Variants in ADGRB3 observed in about 807,000 individuals in gnomAD.
ADGRB3 encodes the protein brain-specific angiogenesis inhibitor 3.
ADGRB3 carries 37 observed loss-of-function variants against 193.4 expected under a neutral mutation model. The ratio of observed to expected loss-of-function variants is 0.19; its 90% CI spans 0.15 to 0.25. ADGRB3 has a LOEUF of 0.25. Ranked by LOEUF, ADGRB3 falls within the 10% of genes least tolerant of loss-of-function variation. ADGRB3 has a pLI of 1.00. For missense variants in ADGRB3, 1,637 were observed against 1,852.9 expected (o/e 0.88, Z 2.14); for synonymous variants, 690 against 644.2 (o/e 1.07, Z -1.08).
intron 5 of ADGRB3, among the ~76,000 whole-genome samples, chr6:68,942,989 A>G (rs963377939): frequency 2.6e-5 from 4 of 152,190 alleles, no homozygotes; most frequent in African/African-American, 9.6e-5. Flanking sequence ...AACACAAATT[A>G]TGTTATTTAA....
In ADGRB3 at chr6:68,883,457, T is replaced by C. The variant is rs144628806; in HGVS notation, c.758-47102T>C. 4.3e-4 allele frequency among the ~76,000 whole-genome samples: 65 copies of C among 152,298 alleles called. No homozygotes were observed. In the East Asian group the frequency reaches 0.012, roughly 28 times the overall value. ...CGTTGTAGGAGCTTTGTTTATTTGC[T>C]CTTTGCAATAAATCTTGTTGCTTCT... On this transcript the variant is annotated intron_variant, in intron 3 of 31. Coordinates refer to ENST00000370598, the MANE Select transcript of ADGRB3 (RefSeq NM_001704.3).
At chr6:68,984,964 ATGTG>A (rs2150270704) in intron 10 of ADGRB3, among the ~76,000 whole-genome samples, 1 of 152,162 alleles carries the variant, frequency 6.6e-6, no homozygotes, top group Admixed American at 6.6e-5. Context: ...TTAGGAGGAA[ATGTG>A]TGTCTTTCCA....
chr6:69,291,642 G>A (rs1767684648), intron 20 of ADGRB3, among the ~76,000 whole-genome samples: 2 of 152,124 alleles, frequency 1.3e-5, no homozygotes, highest in Admixed American at 6.6e-5. Flanking sequence ...GCCCAGTTTA[G>A]GGAAACTGTC....
chr6:68,664,322 C>T (rs1768744824), intron 3 of ADGRB3, among the ~76,000 whole-genome samples: 2 of 151,690 alleles, frequency 1.3e-5, no homozygotes, highest in African/African-American at 2.4e-5. Context: ...TGCCATCCTT[C>T]AAATTCATAT....
chr6:69,200,286 GA>G (rs1239457829), intron 17 of ADGRB3, among the ~76,000 whole-genome samples: 10 of 151,330 alleles, frequency 6.6e-5, no homozygotes, highest in East Asian at 1.9e-4. Context: ...GGGATAACTT[GA>G]AAAAAAAATT....
At chr6:68,855,760 T>C (rs551932591) in intron 3 of ADGRB3, among the ~76,000 whole-genome samples, 88 of 152,288 alleles carry the variant, frequency 5.8e-4, no homozygotes, top group African/African-American at 2.1e-3. Context: ...GACTCATGCC[T>C]GTAATCCTAG....
intron 17 of ADGRB3, among the ~76,000 whole-genome samples, chr6:69,168,284 G>A (rs369430634): frequency 3.9e-5 from 6 of 152,048 alleles, no homozygotes; most frequent in East Asian, 1.9e-4. Flanking sequence ...GCCGAAAAAC[G>A]GTTTGGAGAT....
At chr6:69,052,511 T>C (rs1350380107) in intron 15 of ADGRB3, among the ~76,000 whole-genome samples, 4 of 152,230 alleles carry the variant, frequency 2.6e-5, no homozygotes, top group Non-Finnish European at 5.9e-5. Context: ...GTAGTTTTGC[T>C]GTTAGGTTTC....
intron 8 of ADGRB3, 124 bp downstream of exon 8, chr6:68,956,933 C>A: frequency 9.2e-7 from 1 of 1,085,584 alleles, no homozygotes; most frequent in Non-Finnish European, 1.3e-6. Flanking sequence ...TGATAGGTGG[C>A]AATTTACTTG....
At chr6:69,087,408 A>C (rs2150316333) in intron 17 of ADGRB3, among the ~76,000 whole-genome samples, 1 of 152,254 alleles carries the variant, frequency 6.6e-6, no homozygotes, top group African/African-American at 2.4e-5. Context: ...ATATGTTGAA[A>C]CTTAATCCCC....
At chr6:69,098,762 C>G (rs1477484527) in intron 17 of ADGRB3, among the ~76,000 whole-genome samples, 1 of 152,134 alleles carries the variant, frequency 6.6e-6, no homozygotes, top group Admixed American at 6.5e-5. Context: ...TGAAATAACA[C>G]TGTATTATTA....
chr6:69,127,975 A>C (rs1773903305), intron 17 of ADGRB3, among the ~76,000 whole-genome samples: 1 of 152,078 alleles, frequency 6.6e-6, no homozygotes, highest in African/African-American at 2.4e-5. Context: ...TACCCCACAA[A>C]GAGACACTAA....
chr6:69,385,032 T>C (rs1414096333), intron 31 of ADGRB3, among the ~76,000 whole-genome samples: 1 of 150,952 alleles, frequency 6.6e-6, no homozygotes, highest in Non-Finnish European at 1.5e-5. Context: ...TTATGTAGAA[T>C]AATAGAATTT....
chr6:69,227,197 G>A (rs569446585), intron 17 of ADGRB3, among the ~76,000 whole-genome samples: 2 of 152,278 alleles, frequency 1.3e-5, no homozygotes, highest in South Asian at 2.1e-4. Flanking sequence ...GGAATAGCTA[G>A]CACAAAATGC....
chr6:68,811,756 C>T (rs1358640700), intron 3 of ADGRB3, among the ~76,000 whole-genome samples: 1 of 152,090 alleles, frequency 6.6e-6, no homozygotes, highest in African/African-American at 2.4e-5. Flanking sequence ...AGGCATCAGC[C>T]ACCGTGACCA....
chr6:68,956,831 C>G (rs1388777382), intron 8 of ADGRB3, 22 bp downstream of exon 8: 2 of 1,594,526 alleles, frequency 1.3e-6, no homozygotes, highest in Non-Finnish European at 1.7e-6. Context: ...CCCAAATTAT[C>G]CCAAAAGAAA....
At chr6:68,869,793 C>G (rs1295792214) in intron 3 of ADGRB3, among the ~76,000 whole-genome samples, 1 of 151,868 alleles carries the variant, frequency 6.6e-6, no homozygotes, top group Non-Finnish European at 1.5e-5. Context: ...GGCGGGGAGA[C>G]AGAGTCTCAC....
chr6:68,950,660 G>A (rs1767891911), intron 6 of ADGRB3, among the ~76,000 whole-genome samples: 1 of 152,056 alleles, frequency 6.6e-6, no homozygotes, highest in South Asian at 2.1e-4. Flanking sequence ...AATCCTAAAA[G>A]TCAACCTTAA....
chr6:68,725,943 AG>A (rs1164350518), intron 3 of ADGRB3, among the ~76,000 whole-genome samples: 1 of 151,582 alleles, frequency 6.6e-6, no homozygotes, highest in Non-Finnish European at 1.5e-5. Flanking sequence ...AAATAGAGGA[AG>A]GGTGGAGGTG....
Sources: gnomAD v4.1 joint callset for allele counts (sites outside exome capture counted in the v4.1 genomes callset) on GRCh38, gnomAD v4.1.1 for gene constraint, MANE v1.5 for transcripts, NCBI Gene and HGNC (gene_info 2026-07-23, HGNC 2026-07-21) for gene names.